ZNF821: variants seen among roughly 807,000 people sequenced by gnomAD.
The protein encoded by ZNF821 is zinc finger protein 821.
ZNF821 carries 16 observed loss-of-function variants against 44.3 expected under a neutral mutation model. The observed-to-expected ratio is 0.36, with a 90% CI of 0.24 to 0.55. The LOEUF (loss-of-function observed/expected upper bound fraction) is 0.55. ZNF821 is among the 20% of genes least tolerant of loss of function. The pLI, the probability that ZNF821 is intolerant of heterozygous loss-of-function variation, is 0.86. For synonymous variants in ZNF821, 204 were observed against 197.6 expected, an observed-to-expected ratio of 1.03 and a Z score of -0.27; for missense variants, 436 against 547.6, an observed-to-expected ratio of 0.80 and a Z score of 2.03.
intron 2 of ZNF821, 157 bp from the exon 3 acceptor site, chr16:71,880,180 C>A (rs2036280108): frequency 2.3e-6 from 1 of 425,816 alleles, no homozygotes; most frequent in African/African-American, 2.0e-5. Flanking sequence ...ATGAATAAAT[C>A]TCTAGCCTAA....
At chr16:71,868,250 G>C (rs556549959) in intron 3 of ZNF821, among the ~76,000 whole-genome samples, 16 of 152,320 alleles carry the variant, frequency 1.1e-4, no homozygotes, top group African/African-American at 3.8e-4. Flanking sequence ...AGCATCACTT[G>C]CTCCTCTTAA....
intron 7 of ZNF821, among the ~76,000 whole-genome samples, chr16:71,861,365 T>G (rs935330049): frequency 6.6e-6 from 1 of 152,210 alleles, no homozygotes; most frequent in African/African-American, 2.4e-5. Context: ...ACTCACCTCC[T>G]TCCCTCACAC....
At chr16:71,877,480 G>A (rs555520232) in intron 3 of ZNF821, among the ~76,000 whole-genome samples, 3 of 151,966 alleles carry the variant, frequency 2.0e-5, no homozygotes, top group South Asian at 2.1e-4. Flanking sequence ...GGCTGGTCTC[G>A]AACTCTTGGG....
At chr16:71,894,790 C>CCCGCT in intron 1 of ZNF821, 1 of 1,488,108 alleles carries the variant, frequency 6.7e-7, no homozygotes, top group Non-Finnish European at 9.0e-7. Flanking sequence ...CCCGCCCCGC[C>CCCGCT]TCTCAAAGTG....
chr16:71,865,120 G>C (rs2034384643), intron 4 of ZNF821, 72 bp from the exon 5 acceptor site: 2 of 1,575,678 alleles, frequency 1.3e-6, no homozygotes, highest in South Asian at 2.3e-5. Flanking sequence ...CCACCCTAGA[G>C]TTGGCAGTTA....
chr16:71,872,150 C>T (rs1419935997), intron 3 of ZNF821, among the ~76,000 whole-genome samples: 1 of 151,974 alleles, frequency 6.6e-6, no homozygotes, highest in African/African-American at 2.4e-5. Context: ...TTTTTCAGAC[C>T]AGATGAGAAC....
intron 3 of ZNF821, among the ~76,000 whole-genome samples, chr16:71,869,912 C>T (rs1037167966): frequency 2.6e-5 from 4 of 152,194 alleles, no homozygotes. Flanking sequence ...GTTGGAATTA[C>T]AGGTGTGAGT....
At chr16:71,875,106 G>A (rs1346494928) in intron 3 of ZNF821, among the ~76,000 whole-genome samples, 1 of 152,086 alleles carries the variant, frequency 6.6e-6, no homozygotes, top group African/African-American at 2.4e-5. Context: ...CTGAACATCT[G>A]TGCTCACAGC....
chr16:71,865,384 C>T (rs2034422073), intron 4 of ZNF821, among the ~76,000 whole-genome samples: 1 of 152,170 alleles, frequency 6.6e-6, no homozygotes, highest in African/African-American at 2.4e-5. Context: ...ACACTGAGCT[C>T]ATTCCCACTG....
chr16:71,870,056 G>C (rs981366582), intron 3 of ZNF821, among the ~76,000 whole-genome samples: 3 of 152,194 alleles, frequency 2.0e-5, no homozygotes, highest in African/African-American at 7.2e-5. Context: ...TCTGATCCTA[G>C]TGTTAGTGTT....
rs1248275681 is a variant in ZNF821, at chr16:71,860,701, T to A, written c.585-29A>T. The A allele has an allele frequency of 6.3e-7, 1 of 1,599,024 alleles. No individual in the cohort carries two copies. The highest frequency in any genetic ancestry group is 8.5e-7 in the Non-Finnish European group (1 of 1,174,398). On this transcript the variant is annotated intron_variant, in intron 7 of 7. Transcript: ENST00000425432. This position sits in a 1 kb window ranked among gnomAD's most constrained non-coding sequence, Gnocchi z 7.3. ...GAAAGGAAACATTTTGGATGGTTAG[T>A]GTTTCCTTCTAGCAAGAGTCGGGAC...
At chr16:71,894,771 A>G (rs1303090285) in intron 1 of ZNF821, 24 of 1,272,020 alleles carry the variant, frequency 1.9e-5, no homozygotes, top group Admixed American at 4.1e-5. Flanking sequence ...CCCGGGCTCA[A>G]GCGATCCTCC....
intron 6 of ZNF821, 21 bp downstream of exon 6, chr16:71,864,117 A>C: frequency 6.2e-7 from 1 of 1,607,332 alleles, no homozygotes; most frequent in South Asian, 1.1e-5. Context: ...GTTCCAGAGC[A>C]CACAGCTCCC....
At chr16:71,882,864 C>CT (rs2036576151) in intron 2 of ZNF821, among the ~76,000 whole-genome samples, 1 of 152,268 alleles carries the variant, frequency 6.6e-6, no homozygotes, top group South Asian at 2.1e-4. Flanking sequence ...ACATACAGCC[C>CT]TAAAGGTCAC....
At position 71,861,807 on chromosome 16, in the gene ZNF821, C is replaced by T. The variant is rs368877515; in HGVS notation, c.553G>A (p.Ala185Thr). Residue 185 changes from alanine to threonine, a missense_variant, in exon 7 of 8, where the codon GCC (alanine) becomes ACC (threonine). This residue lies in a region of ZNF821 where 238 missense variants were observed against 281.4 expected (regional missense o/e 0.85). Transcript: ENST00000425432. ...AAAGTGGCATGGCTGGTGAACCGGGCTCCACACACAGCACAGTTAGATCGC... is the reference window on the plus strand; with the variant it reads ...AAAGTGGCATGGCTGGTGAACCGGGTTCCACACACAGCACAGTTAGATCGC... The part of the protein sequence containing the change: ...DQRSNCAVCG[A>T]RFTSHATFNS... 234 of 1,614,128 alleles carry T rather than the reference C, an allele frequency of 1.4e-4. 4 individuals carry two copies. In the South Asian group the frequency reaches 2.5e-3, roughly 17 times the overall value.
chr16:71,860,635 G>A lies in ZNF821; in HGVS notation c.622C>T (p.Pro208Ser). ...GAGGGACCCTCATTGTGGACTGTGG[G>A]TAGGGATTCCATATTTAGTACTTCA... ...LPEVLNMESL[P>S]TVHNEGPSSA... The change falls in exon 8 of 8, where the codon CCC becomes TCC. Residue 208 changes from proline to serine, a missense_variant. Around this residue, in one of 5 missense-constraint regions of ZNF821, gnomAD observed 238 missense variants for 281.4 expected, o/e 0.85. Coordinates refer to ENST00000425432, the MANE Select transcript of ZNF821 (RefSeq NM_001201552.2). This position sits in a 1 kb window ranked among gnomAD's most constrained non-coding sequence, Gnocchi z 7.3. The A allele has an allele frequency of 1.9e-6, 3 of 1,613,944 alleles. No individual in the cohort carries two copies. Among genetic ancestry groups the A allele is most frequent in the African/African-American group, 1.3e-5 (1 of 75,014 alleles).
upstream of ZNF821, among the ~76,000 whole-genome samples, chr16:71,885,988 A>C (rs998133757): frequency 1.3e-5 from 2 of 152,240 alleles, no homozygotes; most frequent in African/African-American, 4.8e-5. Context: ...GTATGGCTTT[A>C]TTATGTCACT....
chr16:71,882,100 T>G (rs1368010363), intron 2 of ZNF821: 1 of 152,040 alleles, frequency 6.6e-6, no homozygotes, highest in East Asian at 1.9e-4. Flanking sequence ...TGAAACCCCG[T>G]CTGTACTAAA....
intron 6 of ZNF821, among the ~76,000 whole-genome samples, chr16:71,862,348 G>A (rs2033996095): frequency 6.6e-6 from 1 of 152,186 alleles, no homozygotes; most frequent in Non-Finnish European, 1.5e-5. Flanking sequence ...GGGGGCAGGT[G>A]CCTGTAGTCC....
Sources: gnomAD v4.1 joint callset for allele counts (sites outside exome capture counted in the v4.1 genomes callset) on GRCh38, gnomAD v4.1.1 for gene constraint, gnomAD v4.1.1 regional missense constraint, Gnocchi (gnomAD v3.1) non-coding constraint, MANE v1.5 for transcripts, NCBI Gene and HGNC (gene_info 2026-07-23, HGNC 2026-07-21) for gene names.